Variants in LARGE1 observed in about 807,000 individuals in gnomAD.
The protein encoded by LARGE1 is LARGE xylosyl- and glucuronyltransferase 1, also known as xylosyl- and glucuronyltransferase LARGE1.
A neutral mutation model predicts 87.6 loss-of-function variants in LARGE1; 43 were observed. The observed-to-expected ratio is 0.49, with a 90% CI of 0.38 to 0.63. LARGE1 has a LOEUF of 0.63. Ranked by LOEUF, LARGE1 falls within the 30% of genes least tolerant of loss-of-function variation. LARGE1 has a pLI of 0.00. For synonymous variants in LARGE1, 434 were observed against 394.6 expected (o/e 1.10, Z -1.18); for missense variants, 802 against 1,000.2 (o/e 0.80, Z 2.67).
At chr22:33,371,034 T>A (rs1301660817) in intron 9 of LARGE1, among the ~76,000 whole-genome samples, 1 of 150,802 alleles carries the variant, frequency 6.6e-6, no homozygotes, top group Non-Finnish European at 1.5e-5. Context: ...ATTCATAGTA[T>A]ATTCATAGAA....
At chr22:33,139,950 A>T in the LARGE1 span, among the ~76,000 whole-genome samples, 24 of 151,914 alleles carry the variant, frequency 1.6e-4, no homozygotes, top group Admixed American at 1.5e-3. Context: ...TTGGAGTGAC[A>T]CTCTTGCTTT....
chr22:33,437,235 C>G (rs2067303183), intron 6 of LARGE1, among the ~76,000 whole-genome samples: 1 of 152,186 alleles, frequency 6.6e-6, no homozygotes, highest in Non-Finnish European at 1.5e-5. Flanking sequence ...ATAATAAACT[C>G]ACATGGTGTC....
At chr22:33,440,646 T>G (rs1376331787) in intron 6 of LARGE1, among the ~76,000 whole-genome samples, 1 of 152,188 alleles carries the variant, frequency 6.6e-6, no homozygotes, top group South Asian at 2.1e-4. Context: ...ACATATAATA[T>G]CATATTACCG....
At chr22:33,775,901 G>A (rs1295679027) in intron 1 of LARGE1, among the ~76,000 whole-genome samples, 2 of 150,588 alleles carry the variant, frequency 1.3e-5, no homozygotes, top group African/African-American at 4.9e-5. Context: ...CCAGCATCGG[G>A]TGGGTCAAGG....
At chr22:33,890,094 T>C (rs1432577013) in intron 1 of LARGE1, among the ~76,000 whole-genome samples, 1 of 152,176 alleles carries the variant, frequency 6.6e-6, no homozygotes, top group African/African-American at 2.4e-5. Flanking sequence ...ACAACGACAG[T>C]GGTCTGAAGA....
At position 33,196,535 on chromosome 22, in the gene LARGE1, C is replaced by T. The variant is rs541083176; in HGVS notation, c.1731-29703G>A. Among the ~76,000 whole-genome samples, 34 of 152,054 alleles carry T rather than the reference C, an allele frequency of 2.2e-4. 1 individual carries two copies. Among genetic ancestry groups the T allele is most frequent in the African/African-American group, 7.7e-4 (32 of 41,514 alleles). ...ATTTTTATTAAGAAAACATTATGCCCAGATTGCTTCACTGATAAATTATAT... is the reference window on the plus strand; with the variant it reads ...ATTTTTATTAAGAAAACATTATGCCTAGATTGCTTCACTGATAAATTATAT... On this transcript the variant is annotated intron_variant, in intron 11 of 11. Transcript: ENST00000608642.
chr22:33,225,877 C>T (rs956756834), intron 11 of LARGE1, among the ~76,000 whole-genome samples: 2 of 152,164 alleles, frequency 1.3e-5, no homozygotes, highest in Non-Finnish European at 2.9e-5. Context: ...TATGTTCCTG[C>T]AAAAGACATA....
chr22:33,082,822 G>A, the LARGE1 span, among the ~76,000 whole-genome samples: 86 of 152,122 alleles, frequency 5.7e-4, no homozygotes, highest in African/African-American at 1.7e-3. Context: ...TCAGGAGATC[G>A]AGACCATCCT....
chr22:33,452,288 G>A (rs1018435493), intron 6 of LARGE1, among the ~76,000 whole-genome samples: 24 of 152,354 alleles, frequency 1.6e-4, no homozygotes, highest in Non-Finnish European at 3.1e-4. Flanking sequence ...CACAGCAAGG[G>A]TGCAGGGTGA....
intron 2 of LARGE1, among the ~76,000 whole-genome samples, chr22:33,721,506 C>T (rs1034463906): frequency 2.0e-5 from 3 of 152,084 alleles, no homozygotes; most frequent in African/African-American, 4.8e-5. Context: ...TAGGGAAAGG[C>T]AAAGAACAAG....
intron 11 of LARGE1, among the ~76,000 whole-genome samples, chr22:33,183,624 A>ACACG (rs1555880679): frequency 6.5e-4 from 67 of 102,516 alleles, no homozygotes; most frequent in Admixed American, 1.2e-3. Context: ...ACACACGCAC[A>ACACG]CACACACACA....
intron 11 of LARGE1, among the ~76,000 whole-genome samples, chr22:33,174,863 C>T (rs1434638453): frequency 6.6e-6 from 1 of 152,054 alleles, no homozygotes; most frequent in Non-Finnish European, 1.5e-5. Flanking sequence ...GCCTACCAAC[C>T]AAAAAATGTC....
chr22:33,299,817 C>T (rs112002679), intron 12 of LARGE1, among the ~76,000 whole-genome samples: 2 of 152,338 alleles, frequency 1.3e-5, no homozygotes, highest in African/African-American at 4.8e-5. Context: ...CGCTGACTTT[C>T]GCCTGACATT....
intron 2 of LARGE1, chr22:33,746,452 G>A (rs1053690303): frequency 6.6e-6 from 1 of 152,112 alleles, no homozygotes; most frequent in Non-Finnish European, 1.5e-5. Flanking sequence ...AGATGACTAC[G>A]GAAAGGTGAG....
At chr22:33,843,596 T>C (rs1415576961) in intron 1 of LARGE1, among the ~76,000 whole-genome samples, 1 of 151,758 alleles carries the variant, frequency 6.6e-6, no homozygotes, top group Non-Finnish European at 1.5e-5. Context: ...CCCACCACCA[T>C]CCTCTCCAGA....
intron 2 of LARGE1, among the ~76,000 whole-genome samples, chr22:33,760,262 C>A (rs904361720): frequency 2.0e-5 from 3 of 152,200 alleles, no homozygotes; most frequent in African/African-American, 4.8e-5. Flanking sequence ...AGAAAACCAT[C>A]TTCACAGGCA....
At chr22:33,497,178 C>T (rs577990206) in intron 6 of LARGE1, among the ~76,000 whole-genome samples, 71 of 151,628 alleles carry the variant, frequency 4.7e-4, no homozygotes, top group Non-Finnish European at 5.2e-4. Flanking sequence ...CTGGTTCAAG[C>T]GAACCTCCTG....
At chr22:33,730,841 C>T (rs568054024) in intron 2 of LARGE1, among the ~76,000 whole-genome samples, 110 of 151,710 alleles carry the variant, frequency 7.3e-4, no homozygotes, top group Middle Eastern at 3.4e-3. Flanking sequence ...TACAGGCATG[C>T]GCCACCACAC....
chr22:33,307,768 T>C (rs1328635386), intron 11 of LARGE1, among the ~76,000 whole-genome samples: 2 of 151,926 alleles, frequency 1.3e-5, no homozygotes, highest in Non-Finnish European at 2.9e-5. Flanking sequence ...GGTGCCCTTT[T>C]TCTTTTCTTT....
Sources: allele counts gnomAD v4.1 joint callset (sites outside exome capture counted in the v4.1 genomes callset), GRCh38; gene constraint gnomAD v4.1.1; transcripts MANE v1.5; gene names NCBI Gene and HGNC (gene_info 2026-07-23, HGNC 2026-07-21).